Variants in RAB3D observed in about 807,000 individuals in gnomAD.
RAB3D encodes RAB3D, member RAS oncogene family.
Under a neutral mutation model 19.3 loss-of-function variants are expected in RAB3D, and 17 were observed. The ratio of observed to expected loss-of-function variants is 0.88; its 90% confidence interval spans 0.60 to 1.32. The LOEUF (loss-of-function observed/expected upper bound fraction) is 1.32. RAB3D is among the 40% of genes most tolerant of loss of function. The pLI is 0.00. For synonymous variants in RAB3D, 103 were observed against 119.9 expected (o/e 0.86, Z 0.92); for missense variants, 223 against 299.1 (o/e 0.75, Z 1.88).
At chr19:11,331,112 T>C (rs2080834498) in intron 4 of RAB3D, among the ~76,000 whole-genome samples, 1 of 151,324 alleles carries the variant, frequency 6.6e-6, no homozygotes, top group South Asian at 2.1e-4. Context: ...GCTAACATAG[T>C]GAAACCCCAT....
Position 11,335,727 on chromosome 19 carries a change from G to C in RAB3D, c.285C>G (p.Ala95=), listed in dbSNP as rs73922644. The change falls in exon 3 of 5, where the codon GCC becomes GCG. Residue 95 remains alanine, a synonymous_variant. Transcript: ENST00000222120. ...RTITTAYYRG[A]MGFLLMYDIA... ...TGTCATACATGAGCAGGAAGCCCAT[G>C]GCTCCCCGGTAGTAGGCCGTGGTGA... 6.4e-4 allele frequency: 1,033 copies of C among 1,614,208 alleles called. 12 individuals carry two copies. The African/African-American group carries it at 0.011, about 18-fold the overall frequency.
intron 4 of RAB3D, among the ~76,000 whole-genome samples, chr19:11,330,103 G>C (rs1339377519): frequency 6.6e-6 from 1 of 152,114 alleles, no homozygotes; most frequent in Non-Finnish European, 1.5e-5. Context: ...CATCGCGGGC[G>C]TTAACTGATT....
chr19:11,335,184 A>G (rs2080847930), intron 4 of RAB3D, among the ~76,000 whole-genome samples: 1 of 152,148 alleles, frequency 6.6e-6, no homozygotes, highest in South Asian at 2.1e-4. Context: ...CACTCCACAC[A>G]CCATATCCCA....
chr19:11,337,604 G>A (rs1966908736), intron 1 of RAB3D, 144 bp from the exon 2 acceptor site: 1 of 555,954 alleles, frequency 1.8e-6, no homozygotes, highest in Admixed American at 3.0e-5. Context: ...CTAAAAAATG[G>A]GATGTTTGTC....
intron 4 of RAB3D, among the ~76,000 whole-genome samples, chr19:11,327,210 AG>A (rs1029750710): frequency 2.6e-4 from 40 of 152,298 alleles, no homozygotes; most frequent in African/African-American, 8.4e-4. Context: ...CGACACAGAG[AG>A]GGTGCTTAGA....
chr19:11,331,633 C>T (rs139042002), intron 4 of RAB3D, among the ~76,000 whole-genome samples: 7 of 152,116 alleles, frequency 4.6e-5, no homozygotes, highest in Non-Finnish European at 1.0e-4. Context: ...ATCACTTGAG[C>T]CCAGGTGTCT....
intron 4 of RAB3D, among the ~76,000 whole-genome samples, chr19:11,331,220 G>C (rs1031437827): frequency 2.0e-5 from 3 of 151,346 alleles, no homozygotes; most frequent in Admixed American, 6.6e-5. Context: ...ACTTGAACTG[G>C]GGAGGCGGAG....
chr19:11,335,661 T>A lies in RAB3D; in HGVS notation c.347+4A>T. ...TCAGGGGTCCATGATCAGCAAGCACTCACCAGTCCTGCACAGCGGCAAAGG... is the reference window on the plus strand; with the variant it reads ...TCAGGGGTCCATGATCAGCAAGCACACACCAGTCCTGCACAGCGGCAAAGG... On this transcript the variant is annotated splice_donor_region_variant and intron_variant, in intron 3 of 4. Transcript: ENST00000222120. 6.2e-7 allele frequency: 1 copy of A among 1,613,916 alleles called. No individual in the cohort carries two copies. Among genetic ancestry groups the A allele is most frequent in the Non-Finnish European group, 8.5e-7 (1 of 1,179,852 alleles).
At chr19:11,338,896 T>C (rs1304213759) in intron 1 of RAB3D, among the ~76,000 whole-genome samples, 1 of 152,170 alleles carries the variant, frequency 6.6e-6, no homozygotes, top group Admixed American at 6.5e-5. Flanking sequence ...TTTCCCCAGC[T>C]GTCTATGGCC....
chr19:11,336,956 C>A (rs1262991185), intron 2 of RAB3D, among the ~76,000 whole-genome samples: 4 of 138,856 alleles, frequency 2.9e-5, no homozygotes, highest in Admixed American at 7.6e-5. Context: ...GGCGACAGAG[C>A]AAGACTCTGT....
In RAB3D at chr19:11,323,797, C is replaced by CA. The variant is rs2080795179; in HGVS notation, c.*1600dup. The stretch of plus-strand genomic sequence containing the variant: ...GGGAGAGCAGACACAACCTCTGAAA[C>CA]AGAGTCAGGGACGTGGGAACATAAA... On this transcript the variant is annotated 3_prime_UTR_variant, in exon 5 of 5. Transcript: ENST00000222120. 6.6e-6 allele frequency: 1 copy of CA among 152,276 alleles called. No individual in the cohort carries two copies. Among genetic ancestry groups the CA allele is most frequent in the African/African-American group, 2.4e-5 (1 of 41,444 alleles). The allele number at this position is 152,276 out of a possible 1,614,324, so 9.4% of individuals were successfully genotyped here. A position where few individuals can be genotyped will look rare whatever the true frequency, so the allele number is the denominator to read the frequency against.
chr19:11,332,384 AC>A (rs1461078589), intron 4 of RAB3D, among the ~76,000 whole-genome samples: 1 of 151,066 alleles, frequency 6.6e-6, no homozygotes, highest in Non-Finnish European at 1.5e-5. Flanking sequence ...TCACTCTGTC[AC>A]CCAGGCTGGC....
intron 1 of RAB3D, among the ~76,000 whole-genome samples, chr19:11,338,085 G>T (rs1221113213): frequency 6.6e-6 from 1 of 152,196 alleles, no homozygotes; most frequent in Admixed American, 6.6e-5. Context: ...GGGTGGTCAC[G>T]TTCCTTCCAG....
Position 11,325,547 on chromosome 19 carries a change from T to C in RAB3D, c.511A>G (p.Asn171Asp). Residue 171 changes from asparagine to aspartate, a missense_variant, in exon 5 of 5, where the codon AAT becomes GAT. Asn to Asp is a conservative substitution (Grantham distance 23). Transcript: ENST00000222120. ...AGGCGCTCGAAGACCTGCTTCACAT[T>C]GATGTTCTCCTTGGCACTGGCTTCA... ...FFEASAKENINVKQVFERLVD... is the reference protein window; with the variant it reads ...FFEASAKENIDVKQVFERLVD... 1 of 1,613,462 alleles carries C rather than the reference T, an allele frequency of 6.2e-7. No homozygotes were observed. Among genetic ancestry groups the C allele is most frequent in the Non-Finnish European group, 8.5e-7 (1 of 1,179,952 alleles).
chr19:11,332,311 C>T (rs113770127), intron 4 of RAB3D, among the ~76,000 whole-genome samples: 3,955 of 152,270 alleles, frequency 0.026, 77 homozygotes, highest in East Asian at 0.091. Flanking sequence ...GGATTACAGG[C>T]GTGAGCCACC....
Position 11,339,584 on chromosome 19 carries a change from G to GCGACCC in RAB3D, c.-183_-178dup, listed in dbSNP as rs984474879. 8.7e-4 allele frequency: 133 copies of GCGACCC among 152,390 alleles called. No homozygotes were observed. The highest frequency in any genetic ancestry group is 1.2e-3 in the Admixed American group (19 of 15,286). 9.4% of individuals were successfully genotyped at this position (152,390 alleles called of 1,614,324 possible). ...AACTCGCTGCGGCTTGGCCCTGGCC[G>GCGACCC]CGACCCCGACCCCGCAGCCGCAGAA... On this transcript the variant is annotated 5_prime_UTR_variant, in exon 1 of 5. Coordinates refer to ENST00000222120, the MANE Select transcript of RAB3D (RefSeq NM_004283.4).
chr19:11,327,145 C>A, intron 4 of RAB3D: 1 of 335,214 alleles, frequency 3.0e-6, no homozygotes, highest in East Asian at 4.6e-5. Flanking sequence ...GTCTCCGCTA[C>A]TAGAAAGCCA....
Position 11,334,185 on chromosome 19 carries a change from C to A in RAB3D, c.472+1262G>T, listed in dbSNP as rs532673087. ...AGTCGTATCCACTATTTTGCTAGAA[C>A]AAAACAGCCAGGCACGGTGGCTCAC... is the stretch of plus-strand genomic sequence containing the variant. On this transcript the variant is annotated intron_variant, in intron 4 of 4. Transcript: ENST00000222120. Among the ~76,000 whole-genome samples, 78 of 152,118 alleles carry A rather than the reference C, an allele frequency of 5.1e-4. 1 individual carries two copies. In the South Asian group the frequency reaches 0.016, roughly 32 times the overall value.
chr19:11,326,371 AC>A (rs1313565454), intron 4 of RAB3D, among the ~76,000 whole-genome samples: 1 of 152,108 alleles, frequency 6.6e-6, no homozygotes, highest in Non-Finnish European at 1.5e-5. Flanking sequence ...ATGGAGCAAG[AC>A]CCTGTCTCAA....
Sources: gnomAD v4.1 joint callset for allele counts (sites outside exome capture counted in the v4.1 genomes callset) on GRCh38, gnomAD v4.1.1 for gene constraint, MANE v1.5 for transcripts, NCBI Gene and HGNC (gene_info 2026-07-23, HGNC 2026-07-21) for gene names.